The following PLD1 variants were observed in gnomAD, a reference collection of about 807,000 sequenced individuals.
PLD1 encodes phospholipase D1.
PLD1 carries 112 observed loss-of-function variants against 137.1 expected under a neutral mutation model. That is an observed-to-expected ratio of 0.82 (90% CI 0.70 to 0.96). The LOEUF (loss-of-function observed/expected upper bound fraction) is 0.96. Among genes scored for constraint, PLD1 ranks in the 40% least tolerant of loss-of-function variants. PLD1 has a pLI of 0.00. For synonymous variants in PLD1, 431 were observed against 454.7 expected, an observed-to-expected ratio of 0.95 and a Z score of 0.66; for missense variants, 1,321 against 1,342.0, an observed-to-expected ratio of 0.98 and a Z score of 0.24.
intron 1 of PLD1, among the ~76,000 whole-genome samples, chr3:171,768,993 A>T (rs1305228812): frequency 6.6e-6 from 1 of 152,222 alleles, no homozygotes; most frequent in Non-Finnish European, 1.5e-5. Context: ...GTGTGTTCCA[A>T]ACCTAGAATC....
chr3:171,746,727 C>T (rs564207844), intron 1 of PLD1, among the ~76,000 whole-genome samples: 4 of 152,276 alleles, frequency 2.6e-5, no homozygotes, highest in African/African-American at 9.6e-5. Flanking sequence ...CCAATCAGCA[C>T]CCTGTCAAAA....
intron 13 of PLD1, among the ~76,000 whole-genome samples, chr3:171,690,755 T>C (rs1489109254): frequency 6.6e-6 from 1 of 152,234 alleles, no homozygotes; most frequent in Non-Finnish European, 1.5e-5. Flanking sequence ...GCCTAACAGA[T>C]GGTCCTGGAA....
At chr3:171,714,142 G>T in intron 8 of PLD1, 97 bp from the exon 9 acceptor site, 1 of 721,772 alleles carries the variant, frequency 1.4e-6, no homozygotes, top group Non-Finnish European at 2.4e-6. Context: ...CACTCTGGCA[G>T]ACTGTAGACA....
intron 25 of PLD1, among the ~76,000 whole-genome samples, chr3:171,607,913 T>G (rs371509184): frequency 4.6e-5 from 7 of 152,310 alleles, no homozygotes; most frequent in Admixed American, 4.6e-4. Context: ...TCTATTTCTA[T>G]TTTAAAATAG....
At chr3:171,781,827 G>A (rs910876256) in intron 1 of PLD1, among the ~76,000 whole-genome samples, 13 of 152,084 alleles carry the variant, frequency 8.5e-5, no homozygotes, top group Non-Finnish European at 8.8e-5. Context: ...AAGTCTAGCC[G>A]TTGTTTATAA....
At chr3:171,733,148 TGAG>T (rs1352521550) in intron 6 of PLD1, among the ~76,000 whole-genome samples, 1 of 152,206 alleles carries the variant, frequency 6.6e-6, no homozygotes, top group African/African-American at 2.4e-5. Flanking sequence ...CCTGGAAACC[TGAG>T]AAGAGAAGAA....
rs965588137 is a variant in PLD1 at position 171,605,389 on chromosome 3, T to C, written c.2910A>G (p.Pro970=). The change falls in exon 26 of 27, where the codon CCA becomes CCG. Residue 970 remains proline, a synonymous_variant. Coordinates refer to ENST00000351298, the MANE Select transcript of PLD1 (RefSeq NM_002662.5). Reference sequence around the variant, plus strand: ...TCACTGGATCCTGAATGTCCTCACTTGGGTCATCAAGATAGCCAAGGACAA... The same window carrying C: ...TCACTGGATCCTGAATGTCCTCACTCGGGTCATCAAGATAGCCAAGGACAA... The part of the protein sequence containing the change: ...FRVVLGYLDD[P]SEDIQDPVSD... 6.2e-7 allele frequency: 1 copy of C among 1,613,586 alleles called. No individual in the cohort carries two copies. Among genetic ancestry groups the C allele is most frequent in the African/African-American group, 1.3e-5 (1 of 75,028 alleles).
chr3:171,624,443 T>A (rs1733910208), intron 23 of PLD1, among the ~76,000 whole-genome samples: 1 of 152,124 alleles, frequency 6.6e-6, no homozygotes, highest in Non-Finnish European at 1.5e-5. Flanking sequence ...TCATACAAAT[T>A]TTTTGAAGGG....
chr3:171,742,133 A>T (rs1719822931), intron 1 of PLD1, among the ~76,000 whole-genome samples: 4 of 152,184 alleles, frequency 2.6e-5, no homozygotes, highest in African/African-American at 9.7e-5. Context: ...ATTTGATCTG[A>T]CCTCAAAGCC....
intron 23 of PLD1, among the ~76,000 whole-genome samples, chr3:171,621,514 T>A (rs962480931): frequency 6.6e-5 from 10 of 152,184 alleles, no homozygotes; most frequent in African/African-American, 2.4e-4. Context: ...TACTGATGGT[T>A]TCTATTTTGC....
Position 171,724,786 on chromosome 3 carries a change from T to A in PLD1, c.668A>T (p.Glu223Val). Residue 223 changes from glutamate to valine, a missense_variant and splice_region_variant, in exon 8 of 27, where the codon GAA becomes GTA. Coordinates refer to ENST00000351298, the MANE Select transcript of PLD1 (RefSeq NM_002662.5). ...FIHDLGPKGI[E>V]GMIMKRSGGH... ...TCCAGATCTTTTCATTATCATACCT[T>A]CTCTGAAAGAGACAGAAAATTAACC... The A allele has an allele frequency of 2.5e-6, 4 of 1,593,144 alleles. No homozygotes were observed. Among genetic ancestry groups the A allele is most frequent in the Non-Finnish European group, 3.4e-6 (4 of 1,163,434 alleles).
chr3:171,663,177 C>G (rs1324227170), intron 19 of PLD1, among the ~76,000 whole-genome samples: 1 of 152,248 alleles, frequency 6.6e-6, no homozygotes, highest in East Asian at 1.9e-4. Context: ...CTCACATCTA[C>G]TTCAGTTTAT....
In PLD1 at chr3:171,739,009, A is replaced by T. The variant is rs139371554; in HGVS notation, c.-31-927T>A. 1.9e-4 allele frequency among the ~76,000 whole-genome samples: 29 copies of T among 152,292 alleles called. No individual in the cohort carries two copies. In the East Asian group the frequency reaches 5.6e-3, roughly 29 times the overall value. ...TGGCACATGTTCCTTTCTTACTGCAAATCACAAACACTGAGCATCCACCAC... is the reference window on the plus strand; with the variant it reads ...TGGCACATGTTCCTTTCTTACTGCATATCACAAACACTGAGCATCCACCAC... On this transcript the variant is annotated intron_variant, in intron 1 of 26. Coordinates refer to ENST00000351298, the MANE Select transcript of PLD1 (RefSeq NM_002662.5).
chr3:171,804,641 T>C (rs954822678), intron 1 of PLD1, among the ~76,000 whole-genome samples: 4 of 152,202 alleles, frequency 2.6e-5, no homozygotes, highest in Admixed American at 6.5e-5. Flanking sequence ...AATCCACCCA[T>C]GGAAAGTGGC....
chr3:171,744,539 C>T (rs1437880618), intron 1 of PLD1, among the ~76,000 whole-genome samples: 1 of 152,166 alleles, frequency 6.6e-6, no homozygotes, highest in African/African-American at 2.4e-5. Flanking sequence ...GGTTTTATAT[C>T]ACACCCTCCA....
At chr3:171,698,303 G>A (rs1715942824) in intron 12 of PLD1, among the ~76,000 whole-genome samples, 1 of 152,150 alleles carries the variant, frequency 6.6e-6, no homozygotes, top group Admixed American at 6.5e-5. Context: ...ATAAATATGT[G>A]AATAATGTTT....
At chr3:171,652,412 CAAAAA>C (rs1200348368) in intron 21 of PLD1, among the ~76,000 whole-genome samples, 1 of 58,804 alleles carries the variant, frequency 1.7e-5, no homozygotes, top group Non-Finnish European at 4.0e-5. Context: ...GACTCCTTCT[CAAAAA>C]AAAAAAAAAA....
chr3:171,611,353 TAAG>T, intron 25 of PLD1: 2 of 209,170 alleles, frequency 9.6e-6, no homozygotes, highest in South Asian at 1.5e-4. Flanking sequence ...CCTTGTGAGA[TAAG>T]AAGCCATTGG....
chr3:171,680,295 C>T (rs1312804276), intron 16 of PLD1, among the ~76,000 whole-genome samples: 45 of 125,372 alleles, frequency 3.6e-4, no homozygotes, highest in Admixed American at 9.6e-5. Flanking sequence ...GGCACGATCT[C>T]GGCTCACTGC....
Sources: gnomAD v4.1 joint callset for allele counts (sites outside exome capture counted in the v4.1 genomes callset) on GRCh38, gnomAD v4.1.1 for gene constraint, MANE v1.5 for transcripts, NCBI Gene and HGNC (gene_info 2026-07-23, HGNC 2026-07-21) for gene names.